UBA6: variants seen among roughly 807,000 people sequenced by gnomAD.
UBA6 encodes ubiquitin-like modifier-activating enzyme 6.
A neutral mutation model predicts 148.3 loss-of-function variants in UBA6; 87 were observed. The observed-to-expected ratio is 0.59, with a 90% CI of 0.49 to 0.70. The LOEUF (loss-of-function observed/expected upper bound fraction) is 0.70. Among genes scored for constraint, UBA6 ranks in the 30% least tolerant of loss-of-function variants. The pLI is 0.00. For synonymous variants in UBA6, 376 were observed against 401.0 expected (o/e 0.94, Z 0.75); for missense variants, 1,186 against 1,241.2 (o/e 0.96, Z 0.67).
chr4:67,632,643 C>T (rs190460616), intron 23 of UBA6, among the ~76,000 whole-genome samples: 26 of 152,242 alleles, frequency 1.7e-4, no homozygotes, highest in African/African-American at 6.0e-4. Flanking sequence ...TTGAGTAGTA[C>T]AGACCACTTT....
At position 67,696,900 on chromosome 4, in the gene UBA6, T is replaced by C. The variant is rs1730853833; in HGVS notation, c.72-193A>G. On this transcript the variant is annotated intron_variant, in intron 1 of 32. Transcript: ENST00000322244. ...ATTGCTTGTTCTATCCTGTGTAAAT[T>C]TTAAGATTACAGAGCTCATCATCTT... 2.6e-5 allele frequency among the ~76,000 whole-genome samples: 4 copies of C among 152,326 alleles called. 1 individual carries two copies. The South Asian group carries it at 8.3e-4, about 32-fold the overall frequency.
intron 13 of UBA6, among the ~76,000 whole-genome samples, chr4:67,653,253 G>A (rs1729599449): frequency 6.6e-6 from 1 of 152,180 alleles, no homozygotes; most frequent in African/African-American, 2.4e-5. Context: ...CATGTAGACT[G>A]ACTGGGAAAC....
chr4:67,692,482 G>C (rs578095093), intron 2 of UBA6, among the ~76,000 whole-genome samples: 2 of 152,282 alleles, frequency 1.3e-5, no homozygotes, highest in South Asian at 2.1e-4. Flanking sequence ...TAACCCCTGA[G>C]CATTGGAGGG....
chr4:67,684,597 T>A (rs1312811150), intron 2 of UBA6, among the ~76,000 whole-genome samples: 1 of 152,220 alleles, frequency 6.6e-6, no homozygotes, highest in African/African-American at 2.4e-5. Flanking sequence ...TACAGTTGCA[T>A]GTGTTCCTGA....
At chr4:67,657,826 C>CAAAAAAAA (rs57984969) in intron 13 of UBA6, among the ~76,000 whole-genome samples, 4 of 115,118 alleles carry the variant, frequency 3.5e-5, no homozygotes, top group East Asian at 2.5e-4. Context: ...AACAAATTTA[C>CAAAAAAAA]AAAAAAAAAA....
At chr4:67,675,908 A>G (rs1730267607) in intron 6 of UBA6, among the ~76,000 whole-genome samples, 1 of 151,932 alleles carries the variant, frequency 6.6e-6, no homozygotes, top group South Asian at 2.1e-4. Context: ...AAGGGACTTT[A>G]TATACTGGAA....
In UBA6 at chr4:67,677,806, G is replaced by A. The variant is rs186257256; in HGVS notation, c.354-84C>T. The A allele has an allele frequency of 1.9e-4, 121 of 635,658 alleles. No individual in the cohort carries two copies. In the African/African-American group the frequency reaches 2.0e-3, roughly 11 times the overall value. The allele number at this position is 635,658 out of a possible 1,614,324, so 39.4% of individuals were successfully genotyped here. A position where few individuals can be genotyped will look rare whatever the true frequency, so the allele number is the denominator to read the frequency against. On this transcript the variant is annotated intron_variant, in intron 5 of 32. Transcript: ENST00000322244. Reference sequence around the variant, plus strand: ...AGTTGGACACTGTAATGACATCAGAGGAACCTGACATGTTACAAAATTTCA... The same window carrying A: ...AGTTGGACACTGTAATGACATCAGAAGAACCTGACATGTTACAAAATTTCA...
intron 11 of UBA6, chr4:67,663,505 T>TA (rs775953676): frequency 1.1e-3 from 389 of 339,202 alleles, no homozygotes; most frequent in South Asian, 2.7e-3. Flanking sequence ...ACATCCATTT[T>TA]AAAAAAAAAT....
rs1728658230 is a variant in UBA6, at chr4:67,617,696, A to G, written c.*1301T>C. ...ACCAAATTGGAGTAATATTGATGTTAATCTAGTTTTTTATTTAACAAAGTA... is the reference window on the plus strand; with the variant it reads ...ACCAAATTGGAGTAATATTGATGTTGATCTAGTTTTTTATTTAACAAAGTA... On this transcript the variant is annotated 3_prime_UTR_variant, in exon 33 of 33. Transcript: ENST00000322244. 1.3e-5 allele frequency: 2 copies of G among 152,128 alleles called. No homozygotes were observed. The highest frequency in any genetic ancestry group is 6.5e-5 in the Admixed American group (1 of 15,274). The allele number at this position is 152,128 out of a possible 1,614,324, so 9.4% of individuals were successfully genotyped here. A position where few individuals can be genotyped will look rare whatever the true frequency, so the allele number is the denominator to read the frequency against.
chr4:67,631,705 T>TA lies in UBA6; in HGVS notation c.2258+2dup. ...ATACATAAAACTAAATATAAATACTTACAAAGGCTCATTTAAATCAAATTT... is the reference window on the plus strand; with the variant it reads ...ATACATAAAACTAAATATAAATACTTAACAAAGGCTCATTTAAATCAAATTT... On this transcript the variant is annotated splice_region_variant and intron_variant, in intron 25 of 32. Coordinates refer to ENST00000322244, the MANE Select transcript of UBA6 (RefSeq NM_018227.6). 6.3e-7 allele frequency: 1 copy of TA among 1,599,962 alleles called. No individual in the cohort carries two copies. The highest frequency in any genetic ancestry group is 8.5e-7 in the Non-Finnish European group (1 of 1,171,422).
At chr4:67,667,569 T>C (rs1730036750) in intron 9 of UBA6, among the ~76,000 whole-genome samples, 1 of 148,492 alleles carries the variant, frequency 6.7e-6, no homozygotes, top group South Asian at 2.1e-4. Context: ...CTAAATACAG[T>C]TATATTTTCA....
At chr4:67,634,137 C>T in intron 22 of UBA6, 105 bp downstream of exon 22, 4 of 690,642 alleles carry the variant, frequency 5.8e-6, no homozygotes, top group Non-Finnish European at 6.9e-6. Flanking sequence ...TTTTTATATA[C>T]AATCACTCTT....
intron 13 of UBA6, among the ~76,000 whole-genome samples, chr4:67,660,670 G>C (rs1047762841): frequency 1.3e-5 from 2 of 152,174 alleles, no homozygotes; most frequent in Admixed American, 6.5e-5. Context: ...GATAATGTGG[G>C]GTTGGAGCCC....
chr4:67,693,121 C>T (rs12640455), intron 2 of UBA6, among the ~76,000 whole-genome samples: 23,040 of 152,004 alleles, frequency 0.15, 1,817 homozygotes, highest in South Asian at 0.22. Flanking sequence ...TACCCTTCTG[C>T]CTCCACCTCT....
At chr4:67,632,602 G>A (rs573901416) in intron 23 of UBA6, among the ~76,000 whole-genome samples, 1 of 152,314 alleles carries the variant, frequency 6.6e-6, no homozygotes, top group Non-Finnish European at 1.5e-5. Flanking sequence ...GAGCAAAGAA[G>A]TCAAATTTAC....
intron 13 of UBA6, among the ~76,000 whole-genome samples, chr4:67,649,980 T>G (rs1011858157): frequency 2.0e-5 from 3 of 152,124 alleles, no homozygotes; most frequent in Non-Finnish European, 4.4e-5. Context: ...AGAGAAGAGT[T>G]TTTATTACAC....
At position 67,634,470 on chromosome 4, in the gene UBA6, G is replaced by A; in HGVS notation, c.1891C>T (p.Pro631Ser). The A allele has an allele frequency of 6.3e-7, 1 of 1,588,576 alleles. No individual in the cohort carries two copies. Among genetic ancestry groups the A allele is most frequent in the Non-Finnish European group, 8.5e-7 (1 of 1,173,174 alleles). Reference protein sequence around the residue: ...EIPFCTLKSFPAAIEHTIQWA... With the variant: ...EIPFCTLKSFSAAIEHTIQWA... ...TGTATGGTATGTTCAATAGCAGCTG[G>A]AAAGGATTTTAGAGTACAAAATGGT... The change falls in exon 21 of 33, where the codon CCA (proline) becomes TCA (serine). Residue 631 changes from proline (P) to serine (S), a missense_variant. Physicochemically the swap from Pro to Ser is moderately conservative, Grantham distance 74. Transcript: ENST00000322244.
chr4:67,697,487 A>G (rs1458786152), intron 1 of UBA6, among the ~76,000 whole-genome samples: 1 of 152,240 alleles, frequency 6.6e-6, no homozygotes, highest in Non-Finnish European at 1.5e-5. Flanking sequence ...TACAACTGCC[A>G]AAACAATAAC....
At chr4:67,699,897 C>A (rs1008939772) in intron 1 of UBA6, among the ~76,000 whole-genome samples, 8 of 152,216 alleles carry the variant, frequency 5.3e-5, no homozygotes, top group Non-Finnish European at 1.0e-4. Context: ...TGAGCCACTG[C>A]GCCCGGCCAA....
Sources: allele counts gnomAD v4.1 joint callset (sites outside exome capture counted in the v4.1 genomes callset), GRCh38; gene constraint gnomAD v4.1.1; transcripts MANE v1.5; gene names NCBI Gene and HGNC (gene_info 2026-07-23, HGNC 2026-07-21).